The following SPOP variants were observed in gnomAD, a reference collection of about 807,000 sequenced individuals.
SPOP encodes speckle type BTB/POZ protein.
A neutral mutation model predicts 45.6 loss-of-function variants in SPOP; 11 were observed. The observed-to-expected ratio is 0.24, with a 90% CI of 0.15 to 0.40. The LOEUF (loss-of-function observed/expected upper bound fraction) is 0.40, where lower values mean the gene tolerates loss of function less well. SPOP is among the 10% of genes least tolerant of loss of function. The probability of loss-of-function intolerance (pLI) is 1.00; values close to 1 mark genes in which losing one functional copy is unlikely to be tolerated. For synonymous variants in SPOP, 166 were observed against 166.3 expected, an observed-to-expected ratio of 1.00 and a Z score of 0.01; for missense variants, 152 against 465.6, an observed-to-expected ratio of 0.33 and a Z score of 6.20.
chr17:49,678,099 T>C (rs2073229454), upstream of SPOP: 1 of 396,904 alleles, frequency 2.5e-6, no homozygotes. Context: ...CGGGGCGTCA[T>C]GGCGTCAGCA....
At chr17:49,611,229 T>C (rs769685045) in intron 6 of SPOP, 51 bp downstream of exon 6, 1 of 1,579,688 alleles carries the variant, frequency 6.3e-7, no homozygotes, top group Non-Finnish European at 8.6e-7. Context: ...CAATCACTTG[T>C]TTTTCCTTAT....
upstream of SPOP, chr17:49,678,136 A>C (rs530858573): frequency 3.5e-4 from 138 of 394,208 alleles, no homozygotes; most frequent in African/African-American, 2.5e-3. Context: ...GCGTACCGCC[A>C]GACCCCACCC....
intron 1 of SPOP, among the ~76,000 whole-genome samples, chr17:49,632,515 A>G (rs987992719): frequency 6.6e-6 from 1 of 151,244 alleles, no homozygotes; most frequent in Non-Finnish European, 1.5e-5. Context: ...TTTTCCAGAC[A>G]GAGTTTCATT....
At chr17:49,673,253 C>A (rs535206722) in intron 1 of SPOP, among the ~76,000 whole-genome samples, 3 of 152,142 alleles carry the variant, frequency 2.0e-5, no homozygotes, top group Non-Finnish European at 4.4e-5. Flanking sequence ...CGCCTGTAAT[C>A]CCAGCACTTT....
chr17:49,666,488 CACACA>C (rs1567804315), intron 1 of SPOP, among the ~76,000 whole-genome samples: 48 of 148,036 alleles, frequency 3.2e-4, no homozygotes, highest in South Asian at 1.3e-3. Flanking sequence ...CACACACACA[CACACA>C]CCCATATAGG....
At chr17:49,607,498 G>C (rs2071875447) in intron 7 of SPOP, 126 bp from the exon 8 acceptor site, 2 of 1,247,904 alleles carry the variant, frequency 1.6e-6, no homozygotes, top group Non-Finnish European at 2.1e-6. Context: ...AACATTAATG[G>C]AAAATTTCTT....
intron 1 of SPOP, among the ~76,000 whole-genome samples, chr17:49,676,581 C>T (rs1378885389): frequency 6.6e-6 from 1 of 152,202 alleles, no homozygotes; most frequent in Non-Finnish European, 1.5e-5. Context: ...TAGTTCCCTT[C>T]CCAGTTATCC....
chr17:49,613,486 A>G (rs922420642), intron 5 of SPOP, among the ~76,000 whole-genome samples: 1 of 152,194 alleles, frequency 6.6e-6, no homozygotes, highest in African/African-American at 2.4e-5. Flanking sequence ...AAGAAGAGCT[A>G]AACTGAATTT....
At chr17:49,635,516 G>A (rs1211987058) in intron 1 of SPOP, among the ~76,000 whole-genome samples, 1 of 151,836 alleles carries the variant, frequency 6.6e-6, no homozygotes, top group African/African-American at 2.4e-5. Context: ...TTTTTTTTCT[G>A]TAAGTTACCC....
At chr17:49,631,305 AT>A (rs2072447249) in intron 1 of SPOP, among the ~76,000 whole-genome samples, 1 of 152,186 alleles carries the variant, frequency 6.6e-6, no homozygotes, top group Non-Finnish European at 1.5e-5. Context: ...AGGAAGCTCC[AT>A]TTTTTAATAG....
chr17:49,671,311 T>C (rs2073132579), intron 1 of SPOP, among the ~76,000 whole-genome samples: 1 of 151,510 alleles, frequency 6.6e-6, no homozygotes, highest in Non-Finnish European at 1.5e-5. Context: ...GCAAAAGTAA[T>C]TGAGGTTTTT....
intron 2 of SPOP, 186 bp downstream of exon 2, chr17:49,622,547 C>G: frequency 1.7e-6 from 1 of 602,524 alleles, no homozygotes; most frequent in Non-Finnish European, 2.9e-6. Context: ...AAACACTAGC[C>G]TAGGGAATTT....
chr17:49,599,176 A>T lies in SPOP; in HGVS notation c.*1202T>A. The T allele has an allele frequency of 4.6e-6, 1 of 218,486 alleles. No homozygotes were observed. The highest frequency in any genetic ancestry group is 6.7e-5 in the East Asian group (1 of 14,862). The allele number at this position is 218,486 out of a possible 1,614,324, so 13.5% of individuals were successfully genotyped here. A position where few individuals can be genotyped will look rare whatever the true frequency, so the allele number is the denominator to read the frequency against. On this transcript the variant is annotated 3_prime_UTR_variant, in exon 10 of 10. Transcript: ENST00000504102. ...CTGCGACTCATTAGGCATTTCAGAC[A>T]TAATCTCTGCAAGCTGAAAACTAGG...
chr17:49,654,672 C>G (rs1196127392), intron 1 of SPOP, among the ~76,000 whole-genome samples: 1 of 152,120 alleles, frequency 6.6e-6, no homozygotes, highest in Admixed American at 6.5e-5. Flanking sequence ...GTAGTCCCAG[C>G]TACTCAGGAG....
At chr17:49,676,495 G>C (rs2073201056) in intron 1 of SPOP, among the ~76,000 whole-genome samples, 1 of 152,140 alleles carries the variant, frequency 6.6e-6, no homozygotes, top group Non-Finnish European at 1.5e-5. Context: ...GGAGTTAACA[G>C]TGGCAGCCAA....
At chr17:49,664,960 T>A (rs751677888) in intron 1 of SPOP, among the ~76,000 whole-genome samples, 1 of 152,228 alleles carries the variant, frequency 6.6e-6, no homozygotes, top group Non-Finnish European at 1.5e-5. Flanking sequence ...TCCCCTGGCT[T>A]ATGTTTTTTT....
intron 2 of SPOP, 101 bp from the exon 3 acceptor site, chr17:49,622,168 T>A: frequency 6.9e-7 from 1 of 1,446,016 alleles, no homozygotes; most frequent in Non-Finnish European, 9.5e-7. Flanking sequence ...CTCTGCATGA[T>A]CCTGATAGGA....
At chr17:49,641,515 TTTTC>T (rs1311570331) in intron 1 of SPOP, among the ~76,000 whole-genome samples, 5 of 151,768 alleles carry the variant, frequency 3.3e-5, no homozygotes, top group Admixed American at 1.3e-4. Flanking sequence ...TGAATTAATG[TTTTC>T]TTTTAGATTC....
intron 6 of SPOP, among the ~76,000 whole-genome samples, chr17:49,609,602 G>T (rs1050663269): frequency 2.0e-5 from 3 of 152,188 alleles, no homozygotes; most frequent in African/African-American, 4.8e-5. Context: ...AGAATCAGGA[G>T]AGAGGAGTCC....
Sources: gnomAD v4.1 joint callset for allele counts (sites outside exome capture counted in the v4.1 genomes callset) on GRCh38, gnomAD v4.1.1 for gene constraint, MANE v1.5 for transcripts, NCBI Gene and HGNC (gene_info 2026-07-23, HGNC 2026-07-21) for gene names.